The following NRG3 variants were observed in gnomAD, a reference collection of about 807,000 sequenced individuals.
NRG3 encodes the protein neuregulin 3, also known as pro-neuregulin-3, membrane-bound isoform.
In NRG3, 31 loss-of-function variants were observed where a neutral mutation model predicts 66.9. The observed-to-expected ratio is 0.46, with a 90% CI of 0.35 to 0.63. NRG3 has a LOEUF of 0.63. NRG3 is among the 20% of genes least tolerant of loss of function. The pLI, the probability that NRG3 is intolerant of heterozygous loss-of-function variation, is 0.00. For synonymous variants in NRG3, 393 were observed against 359.4 expected (o/e 1.09, Z -1.06); for missense variants, 910 against 878.9 (o/e 1.04, Z -0.45).
At chr10:82,330,490 T>G (rs952474929) in intron 1 of NRG3, among the ~76,000 whole-genome samples, 10 of 152,292 alleles carry the variant, frequency 6.6e-5, no homozygotes, top group African/African-American at 2.4e-4. Context: ...CCAAATGTAA[T>G]TTACTGAACT....
chr10:82,488,154 G>C (rs1022040578), intron 2 of NRG3, among the ~76,000 whole-genome samples: 2 of 152,190 alleles, frequency 1.3e-5, no homozygotes. Flanking sequence ...GTAATTTCAA[G>C]ACCATGGTAA....
chr10:82,102,003 GTATATA>G (rs142461785), intron 1 of NRG3, among the ~76,000 whole-genome samples: 98 of 129,234 alleles, frequency 7.6e-4, no homozygotes, highest in Non-Finnish European at 1.3e-3. Flanking sequence ...ATATGTGTGC[GTATATA>G]TATATATATA....
intron 1 of NRG3, among the ~76,000 whole-genome samples, chr10:82,196,147 GT>G (rs1287619087): frequency 6.6e-6 from 1 of 152,172 alleles, no homozygotes; most frequent in African/African-American, 2.4e-5. Flanking sequence ...CAGTCACAGT[GT>G]ATAAATGGGT....
chr10:82,945,880 G>A (rs536305763), intron 4 of NRG3, among the ~76,000 whole-genome samples: 21 of 152,306 alleles, frequency 1.4e-4, no homozygotes, highest in African/African-American at 4.8e-4. Context: ...GGGGTCAGAA[G>A]CAGATGGTCA....
At chr10:82,358,691 G>A (rs752097883) in intron 1 of NRG3, 48 bp from the exon 2 acceptor site, 13 of 1,610,496 alleles carry the variant, frequency 8.1e-6, no homozygotes, top group Non-Finnish European at 9.3e-6. Flanking sequence ...AGTTGTTGGT[G>A]TCAGAATGTA....
intron 4 of NRG3, among the ~76,000 whole-genome samples, chr10:82,870,135 T>C (rs1403827528): frequency 6.6e-6 from 1 of 152,016 alleles, no homozygotes; most frequent in Non-Finnish European, 1.5e-5. Context: ...CCCAAAGTGC[T>C]AGGATTACAG....
chr10:81,932,580 C>T (rs2133007561), intron 1 of NRG3, among the ~76,000 whole-genome samples: 1 of 152,312 alleles, frequency 6.6e-6, no homozygotes, highest in East Asian at 1.9e-4. Context: ...GCGATATTTA[C>T]TCATGCATCA....
At chr10:82,782,569 C>T (rs1394479363) in intron 3 of NRG3, among the ~76,000 whole-genome samples, 1 of 151,956 alleles carries the variant, frequency 6.6e-6, no homozygotes, top group Non-Finnish European at 1.5e-5. Flanking sequence ...ATAACAAATA[C>T]CTGAAAATGT....
At chr10:82,316,930 T>A (rs941467299) in intron 1 of NRG3, among the ~76,000 whole-genome samples, 4 of 152,198 alleles carry the variant, frequency 2.6e-5, no homozygotes, top group African/African-American at 9.6e-5. Context: ...GAAGAACTTG[T>A]CACCCTTGAG....
chr10:82,433,243 G>T (rs759480968), intron 2 of NRG3, among the ~76,000 whole-genome samples: 1 of 151,922 alleles, frequency 6.6e-6, no homozygotes, highest in Non-Finnish European at 1.5e-5. Context: ...TCATATGTTC[G>T]ATGGCCACGT....
intron 1 of NRG3, among the ~76,000 whole-genome samples, chr10:82,004,006 CACACACACACA>C (rs1291709843): frequency 6.7e-6 from 1 of 149,990 alleles, no homozygotes; most frequent in Non-Finnish European, 1.5e-5. Context: ...CACACACACA[CACACACACACA>C]CACACACACA....
At chr10:82,244,249 G>A (rs1183294327) in intron 1 of NRG3, among the ~76,000 whole-genome samples, 1 of 152,096 alleles carries the variant, frequency 6.6e-6, no homozygotes, top group Non-Finnish European at 1.5e-5. Flanking sequence ...TTTATCTGAA[G>A]CTCAGATAAT....
At chr10:82,914,061 C>T (rs1343768261) in intron 4 of NRG3, among the ~76,000 whole-genome samples, 2 of 151,828 alleles carry the variant, frequency 1.3e-5, no homozygotes, top group African/African-American at 4.8e-5. Flanking sequence ...TGAGTCCTTC[C>T]TTGAGAATGT....
At chr10:82,236,906 G>A (rs939390751) in intron 1 of NRG3, among the ~76,000 whole-genome samples, 12 of 151,720 alleles carry the variant, frequency 7.9e-5, no homozygotes, top group African/African-American at 2.2e-4. Flanking sequence ...TAGTAGAGAC[G>A]GGGTTTCACC....
chr10:82,160,364 A>G (rs752777698), intron 1 of NRG3, among the ~76,000 whole-genome samples: 3 of 152,030 alleles, frequency 2.0e-5, no homozygotes, highest in Non-Finnish European at 4.4e-5. Flanking sequence ...AAGTATAAAC[A>G]GCAAACAGAT....
intron 2 of NRG3, among the ~76,000 whole-genome samples, chr10:82,517,812 G>A (rs1590440342): frequency 6.6e-6 from 1 of 152,190 alleles, no homozygotes; most frequent in East Asian, 1.9e-4. Context: ...GACTCACATT[G>A]TTAGCTTCCT....
intron 2 of NRG3, among the ~76,000 whole-genome samples, chr10:82,595,919 T>C (rs2047248056): frequency 6.6e-6 from 1 of 152,178 alleles, no homozygotes; most frequent in Non-Finnish European, 1.5e-5. Flanking sequence ...GTTCCTTAAG[T>C]TTCCAAATGG....
intron 4 of NRG3, among the ~76,000 whole-genome samples, chr10:82,942,249 C>G (rs1372946018): frequency 1.2e-4 from 18 of 152,200 alleles, no homozygotes; most frequent in Admixed American, 9.2e-4. Context: ...TCCCACACCT[C>G]TGTCCTCCAT....
At chr10:82,331,914 G>A (rs2135280288) in intron 1 of NRG3, among the ~76,000 whole-genome samples, 1 of 152,358 alleles carries the variant, frequency 6.6e-6, no homozygotes, top group Non-Finnish European at 1.5e-5. Flanking sequence ...CAAGGAGTGT[G>A]CATGAGCGAG....
Sources: allele counts gnomAD v4.1 joint callset (sites outside exome capture counted in the v4.1 genomes callset), GRCh38; gene constraint gnomAD v4.1.1; transcripts MANE v1.5; gene names NCBI Gene and HGNC (gene_info 2026-07-23, HGNC 2026-07-21).